The following ST8SIA4 variants were observed in gnomAD, a reference collection of about 807,000 sequenced individuals.
The protein encoded by ST8SIA4 is CMP-N-acetylneuraminate-poly-alpha-2,8-sialyltransferase.
Under a neutral mutation model 33.9 loss-of-function variants are expected in ST8SIA4, and 15 were observed. The ratio of observed to expected loss-of-function variants is 0.44; its 90% CI spans 0.30 to 0.68. ST8SIA4 has a LOEUF of 0.68. Among genes scored for constraint, ST8SIA4 ranks in the 30% least tolerant of loss-of-function variants. ST8SIA4 has a pLI of 0.10. For missense variants in ST8SIA4, 321 were observed against 428.0 expected (o/e 0.75, Z 2.21); for synonymous variants, 171 against 151.2 (o/e 1.13, Z -0.96).
chr5:100,848,106 T>C (rs1277435041), intron 4 of ST8SIA4, among the ~76,000 whole-genome samples: 1 of 151,914 alleles, frequency 6.6e-6, no homozygotes, highest in East Asian at 1.9e-4. Context: ...AAAGATGAAA[T>C]TACTACAAAT....
chr5:100,869,701 G>T (rs1255608150), intron 3 of ST8SIA4, among the ~76,000 whole-genome samples: 3 of 152,008 alleles, frequency 2.0e-5, no homozygotes, highest in Non-Finnish European at 4.4e-5. Flanking sequence ...AAACTCCAAG[G>T]GTCCTTCTTG....
chr5:100,869,984 C>T (rs1752161157), intron 3 of ST8SIA4, among the ~76,000 whole-genome samples: 1 of 152,154 alleles, frequency 6.6e-6, no homozygotes, highest in Non-Finnish European at 1.5e-5. Flanking sequence ...TCTCCTAATG[C>T]TATCTCTCCC....
intron 1 of ST8SIA4, among the ~76,000 whole-genome samples, chr5:100,899,945 T>C (rs1403876788): frequency 6.6e-6 from 1 of 152,242 alleles, no homozygotes; most frequent in Non-Finnish European, 1.5e-5. Context: ...TAATCATTAC[T>C]TGACCTATGC....
chr5:100,842,421 A>G (rs553062890), intron 4 of ST8SIA4, among the ~76,000 whole-genome samples: 79 of 152,006 alleles, frequency 5.2e-4, no homozygotes, highest in African/African-American at 1.8e-3. Context: ...TCCACAAAGT[A>G]TCAAGTTCCT....
Position 100,808,253 on chromosome 5 carries a change from G to A in ST8SIA4, c.*3594C>T, listed in dbSNP as rs183539522. On this transcript the variant is annotated 3_prime_UTR_variant, in exon 5 of 5. Coordinates refer to ENST00000231461, the MANE Select transcript of ST8SIA4 (RefSeq NM_005668.6). ...AGCATTACTTAAATAAATTGCTTTT[G>A]TAAGCATATATGTAGAAATTCCCAT... 1 of 152,628 alleles carries A rather than the reference G, an allele frequency of 6.6e-6. No homozygotes were observed. The highest frequency in any genetic ancestry group is 2.4e-5 in the African/African-American group (1 of 41,530). The allele number at this position is 152,628 out of a possible 1,614,324, so 9.5% of individuals were successfully genotyped here. A position where few individuals can be genotyped will look rare whatever the true frequency, so the allele number is the denominator to read the frequency against.
At chr5:100,879,640 C>A (rs1048594085) in intron 3 of ST8SIA4, among the ~76,000 whole-genome samples, 1 of 152,124 alleles carries the variant, frequency 6.6e-6, no homozygotes, top group Non-Finnish European at 1.5e-5. Flanking sequence ...AATTCAACTT[C>A]ATGCAAATTG....
chr5:100,818,852 C>T (rs920126808), intron 4 of ST8SIA4, among the ~76,000 whole-genome samples: 12 of 152,054 alleles, frequency 7.9e-5, no homozygotes, highest in South Asian at 2.1e-4. Flanking sequence ...TATTCAGTAC[C>T]GATGTATGTT....
At chr5:100,813,057 T>C (rs1352582368) in intron 4 of ST8SIA4, among the ~76,000 whole-genome samples, 1 of 152,122 alleles carries the variant, frequency 6.6e-6, no homozygotes, top group East Asian at 1.9e-4. Flanking sequence ...TTTGGAGAGA[T>C]ATGTGCTCTG....
At chr5:100,881,816 T>C (rs1752430881) in intron 3 of ST8SIA4, among the ~76,000 whole-genome samples, 3 of 152,172 alleles carry the variant, frequency 2.0e-5, no homozygotes. Context: ...TGGTTTTATC[T>C]AGGGTTTCCG....
At chr5:100,822,066 C>T (rs1751043188) in intron 4 of ST8SIA4, among the ~76,000 whole-genome samples, 3 of 152,164 alleles carry the variant, frequency 2.0e-5, no homozygotes, top group African/African-American at 4.8e-5. Flanking sequence ...TTCTGCTCCA[C>T]AAAATTAGAG....
chr5:100,836,163 A>G (rs1465783047), intron 4 of ST8SIA4, among the ~76,000 whole-genome samples: 3 of 152,128 alleles, frequency 2.0e-5, no homozygotes, highest in African/African-American at 7.2e-5. Flanking sequence ...AGCCTTATTT[A>G]GCACTTATAA....
At chr5:100,900,462 C>G (rs1207829764) in intron 1 of ST8SIA4, 1 of 456,254 alleles carries the variant, frequency 2.2e-6, no homozygotes, top group Admixed American at 2.3e-5. Flanking sequence ...CCACCAGAAG[C>G]GCTGTTTGGG....
chr5:100,863,812 A>G (rs979449448), intron 3 of ST8SIA4, among the ~76,000 whole-genome samples: 7 of 152,230 alleles, frequency 4.6e-5, no homozygotes, highest in Non-Finnish European at 1.0e-4. Context: ...AATGGATTAA[A>G]ATAAGACATA....
chr5:100,901,869 T>C (rs1452788534), intron 1 of ST8SIA4, among the ~76,000 whole-genome samples: 3 of 152,142 alleles, frequency 2.0e-5, no homozygotes, highest in African/African-American at 4.8e-5. Context: ...CACACACACA[T>C]ACACACACAC....
At chr5:100,822,817 G>T (rs1446885507) in intron 4 of ST8SIA4, among the ~76,000 whole-genome samples, 1 of 152,070 alleles carries the variant, frequency 6.6e-6, no homozygotes, top group Non-Finnish European at 1.5e-5. Flanking sequence ...AGATCATAAA[G>T]ACCTTGCTGA....
chr5:100,838,001 A>T (rs145440201), intron 4 of ST8SIA4, among the ~76,000 whole-genome samples: 1 of 152,036 alleles, frequency 6.6e-6, no homozygotes, highest in Non-Finnish European at 1.5e-5. Flanking sequence ...ATATGTTTAT[A>T]CTTCATTCTA....
intron 2 of ST8SIA4, among the ~76,000 whole-genome samples, chr5:100,888,001 T>C (rs559666693): frequency 1.1e-3 from 162 of 152,092 alleles, no homozygotes; most frequent in Non-Finnish European, 1.9e-3. Context: ...AAAGGGATAT[T>C]GCCTTCCCAT....
intron 4 of ST8SIA4, among the ~76,000 whole-genome samples, chr5:100,849,724 G>T (rs1489740745): frequency 6.6e-6 from 1 of 152,154 alleles, no homozygotes; most frequent in Non-Finnish European, 1.5e-5. Flanking sequence ...GAACTCAGAA[G>T]GCGGAGGTTG....
intron 4 of ST8SIA4, among the ~76,000 whole-genome samples, chr5:100,818,026 A>G (rs961602748): frequency 6.6e-6 from 1 of 152,270 alleles, no homozygotes; most frequent in Admixed American, 6.5e-5. Flanking sequence ...ATCCTCACCA[A>G]AAACCTGTGA....
Sources: allele counts gnomAD v4.1 joint callset (sites outside exome capture counted in the v4.1 genomes callset), GRCh38; gene constraint gnomAD v4.1.1; transcripts MANE v1.5; gene names NCBI Gene and HGNC (gene_info 2026-07-23, HGNC 2026-07-21).